The following CISD2 variants were observed in gnomAD, a reference collection of about 807,000 sequenced individuals.
CISD2 encodes CDGSH iron-sulfur domain-containing protein 2.
In CISD2, 1 loss-of-function variant was observed where a neutral mutation model predicts 12.9. That is an observed-to-expected ratio of 0.08 (90% CI 0.03 to 0.37). CISD2 has a LOEUF of 0.37. CISD2 is among the 10% of genes least tolerant of loss of function. The probability of loss-of-function intolerance (pLI) is 0.99; values close to 1 mark genes in which losing one functional copy is unlikely to be tolerated. For synonymous variants in CISD2, 50 were observed against 60.6 expected (o/e 0.83, Z 0.81); for missense variants, 97 against 163.1 (o/e 0.59, Z 2.21).
At chr4:102,875,157 T>C (rs1380230361) in intron 1 of CISD2, among the ~76,000 whole-genome samples, 1 of 152,254 alleles carries the variant, frequency 6.6e-6, no homozygotes, top group Non-Finnish European at 1.5e-5. Context: ...GCATGTCATA[T>C]CTCCGTACCT....
At position 102,891,675 on chromosome 4, in the gene CISD2, C is replaced by G. The variant is rs571261072; in HGVS notation, c.*4245C>G. 6.6e-6 allele frequency: 1 copy of G among 152,166 alleles called. No homozygotes were observed. Among genetic ancestry groups the G allele is most frequent in the African/African-American group, 2.4e-5 (1 of 41,514 alleles). 9.4% of individuals were successfully genotyped at this position (152,166 alleles called of 1,614,324 possible). Reference sequence around the variant, plus strand: ...GGAGGCTTTATCACAGGAAGTTTTCCCATTCAATTGAAACATTTTTCAAGC... The same window carrying G: ...GGAGGCTTTATCACAGGAAGTTTTCGCATTCAATTGAAACATTTTTCAAGC... On this transcript the variant is annotated 3_prime_UTR_variant, in exon 3 of 3. Coordinates refer to ENST00000273986, the MANE Select transcript of CISD2 (RefSeq NM_001008388.5).
intron 1 of CISD2, among the ~76,000 whole-genome samples, chr4:102,881,414 TAGG>T (rs1281675283): frequency 3.3e-5 from 5 of 152,190 alleles, no homozygotes; most frequent in African/African-American, 1.2e-4. Flanking sequence ...TATTTCAAAA[TAGG>T]AGAGAAAATT....
intron 1 of CISD2, among the ~76,000 whole-genome samples, chr4:102,881,951 T>G (rs1397345094): frequency 6.6e-6 from 1 of 152,112 alleles, no homozygotes; most frequent in Non-Finnish European, 1.5e-5. Flanking sequence ...CAGGACTTCG[T>G]GGGGCTGAGG....
Position 102,889,485 on chromosome 4 carries a change from T to A in CISD2, c.*2055T>A, listed in dbSNP as rs1377245532. The A allele has an allele frequency of 6.6e-6, 1 of 152,216 alleles. No individual in the cohort carries two copies. The highest frequency in any genetic ancestry group is 2.4e-5 in the African/African-American group (1 of 41,458). 9.4% of individuals were successfully genotyped at this position (152,216 alleles called of 1,614,324 possible). ...TTCTAGTGGTTCCCATAACTTAGAT[T>A]TTACAGGAGGCAAATTTACTAAAAA... On this transcript the variant is annotated 3_prime_UTR_variant, in exon 3 of 3. Coordinates refer to ENST00000273986, the MANE Select transcript of CISD2 (RefSeq NM_001008388.5).
At chr4:102,885,553 AC>A in intron 2 of CISD2, 123 bp downstream of exon 2, 2 of 762,000 alleles carry the variant, frequency 2.6e-6, no homozygotes, top group Non-Finnish European at 4.4e-6. Context: ...GTATTGAAAG[AC>A]CATATTCCTA....
chr4:102,875,124 G>A (rs1392665076), intron 1 of CISD2, among the ~76,000 whole-genome samples: 1 of 152,218 alleles, frequency 6.6e-6, no homozygotes, highest in South Asian at 2.1e-4. Flanking sequence ...ATACTATGGT[G>A]CTTAGTTTCC....
chr4:102,886,759 C>T (rs760491219), intron 2 of CISD2, among the ~76,000 whole-genome samples: 5 of 68 alleles, frequency 0.074, no homozygotes, highest in African/African-American at 0.11. Context: ...GAGACACAGG[C>T]GTATGCACCA....
At position 102,887,461 on chromosome 4, in the gene CISD2, G is replaced by C; in HGVS notation, c.*31G>C. On this transcript the variant is annotated 3_prime_UTR_variant, in exon 3 of 3. Coordinates refer to ENST00000273986, the MANE Select transcript of CISD2 (RefSeq NM_001008388.5). ...ATAACAATATTTTCTCATTCTTTGT[G>C]TATAGAAAATTTTAAAATGGTGGTC... 2 of 955,546 alleles carry C rather than the reference G, an allele frequency of 2.1e-6. No individual in the cohort carries two copies. Among genetic ancestry groups the C allele is most frequent in the Non-Finnish European group, 3.3e-6 (2 of 610,048 alleles). 59.2% of individuals were successfully genotyped at this position (955,546 alleles called of 1,614,324 possible). A position where few individuals can be genotyped will look rare whatever the true frequency, so the allele number is the denominator to read the frequency against.
rs1243632215 is a variant in CISD2 at position 102,887,376 on chromosome 4, T to C, written c.354T>C (p.Asn118=). The part of the protein sequence containing the change: ...PACDGSHNKH[N]ELTGDNVGPL... ...GCGATGGTTCACATAATAAACACAA[T>C]GAATTGACAGGAGATAATGTGGGTC... The change falls in exon 3 of 3, where the codon AAT becomes AAC. Residue 118 remains asparagine, a synonymous_variant. Coordinates refer to ENST00000273986, the MANE Select transcript of CISD2 (RefSeq NM_001008388.5). 1.1e-5 allele frequency: 14 copies of C among 1,243,312 alleles called. No homozygotes were observed. The highest frequency in any genetic ancestry group is 5.1e-5 in the Admixed American group (3 of 59,054). 77.0% of individuals were successfully genotyped at this position (1,243,312 alleles called of 1,614,324 possible). A position where few individuals can be genotyped will look rare whatever the true frequency, so the allele number is the denominator to read the frequency against.
chr4:102,892,761 A>G lies in CISD2; in HGVS notation c.*5331A>G, dbSNP rs1734315922. 1 of 152,226 alleles carries G rather than the reference A, an allele frequency of 6.6e-6. No individual in the cohort carries two copies. The highest frequency in any genetic ancestry group is 1.5e-5 in the Non-Finnish European group (1 of 68,044). 9.4% of individuals were successfully genotyped at this position (152,226 alleles called of 1,614,324 possible). ...AAAGGGTAGTACATTTCATAATTAG[A>G]GATAACCCTGTACTAGTGAGAAAAT... is the stretch of plus-strand genomic sequence containing the variant. On this transcript the variant is annotated 3_prime_UTR_variant, in exon 3 of 3. Transcript: ENST00000273986.
At chr4:102,880,990 CAAA>C (rs539473255) in intron 1 of CISD2, among the ~76,000 whole-genome samples, 8 of 98,958 alleles carry the variant, frequency 8.1e-5, no homozygotes, top group Admixed American at 1.1e-4. Flanking sequence ...GACGCTGTCT[CAAA>C]AAAAAAAAAA....
At chr4:102,881,740 TA>T (rs1560904362) in intron 1 of CISD2, among the ~76,000 whole-genome samples, 3 of 152,232 alleles carry the variant, frequency 2.0e-5, no homozygotes, top group Non-Finnish European at 4.4e-5. Context: ...TAGGAGGTAA[TA>T]GTACCTCTCA....
chr4:102,878,969 A>G (rs1167867602), intron 1 of CISD2, among the ~76,000 whole-genome samples: 1 of 152,212 alleles, frequency 6.6e-6, no homozygotes, highest in Non-Finnish European at 1.5e-5. Context: ...ACAGTTACGC[A>G]TGACTAGGGA....
chr4:102,874,940 C>T (rs535214279), intron 1 of CISD2, among the ~76,000 whole-genome samples: 1 of 152,342 alleles, frequency 6.6e-6, no homozygotes, highest in African/African-American at 2.4e-5. Context: ...CATCTTCCAT[C>T]TGATACCAGA....
At position 102,891,180 on chromosome 4, in the gene CISD2, A is replaced by G. The variant is rs1734229443; in HGVS notation, c.*3750A>G. On this transcript the variant is annotated 3_prime_UTR_variant, in exon 3 of 3. Transcript: ENST00000273986. ...TCAAGTTCAAATTAAGTGGTAATTG[A>G]AAAAGTCTTCTTTTTAAAAAATTTT... 6.8e-6 allele frequency: 1 copy of G among 147,838 alleles called. No homozygotes were observed. The highest frequency in any genetic ancestry group is 1.5e-5 in the Non-Finnish European group (1 of 67,924). 9.2% of individuals were successfully genotyped at this position (147,838 alleles called of 1,614,324 possible). A position where few individuals can be genotyped will look rare whatever the true frequency, so the allele number is the denominator to read the frequency against.
At chr4:102,871,342 T>C (rs1238366067) in intron 1 of CISD2, among the ~76,000 whole-genome samples, 1 of 152,212 alleles carries the variant, frequency 6.6e-6, no homozygotes, top group African/African-American at 2.4e-5. Context: ...GAATATATAG[T>C]AACTTCCTCT....
chr4:102,887,228 A>G (rs1479691917), intron 2 of CISD2, 113 bp from the exon 3 acceptor site: 2 of 681,096 alleles, frequency 2.9e-6, no homozygotes, highest in Non-Finnish European at 5.3e-6. Flanking sequence ...CAGGAAAACG[A>G]TCTGATTTTT....
At chr4:102,875,758 T>G (rs1733577442) in intron 1 of CISD2, among the ~76,000 whole-genome samples, 1 of 152,228 alleles carries the variant, frequency 6.6e-6, no homozygotes, top group South Asian at 2.1e-4. Context: ...ACTATATAGT[T>G]TTAAGGCAGA....
Sources: allele counts gnomAD v4.1 joint callset (sites outside exome capture counted in the v4.1 genomes callset), GRCh38; gene constraint gnomAD v4.1.1; transcripts MANE v1.5; gene names NCBI Gene and HGNC (gene_info 2026-07-23, HGNC 2026-07-21).